LOC128706665: variants seen among roughly 807,000 people sequenced by gnomAD.
chr20:10,431,875 C>T, the LOC128706665 span: 3 of 152,258 alleles, frequency 2.0e-5, no homozygotes, highest in African/African-American at 7.2e-5. Flanking sequence ...TCAGATGTCA[C>T]CTACTCAGAG....
chr20:10,432,501 T>C, the LOC128706665 span, among the ~76,000 whole-genome samples: 116 of 152,168 alleles, frequency 7.6e-4, no homozygotes, highest in African/African-American at 2.7e-3. Flanking sequence ...GATTTAAAAA[T>C]TGTGTAGTAG....
chr20:10,422,948 C>T, the LOC128706665 span, among the ~76,000 whole-genome samples: 137 of 152,046 alleles, frequency 9.0e-4, no homozygotes, highest in African/African-American at 3.1e-3. Flanking sequence ...CCTGACCTTG[C>T]GATCCGCTCG....
the LOC128706665 span, among the ~76,000 whole-genome samples, chr20:10,430,297 CAACT>C: frequency 6.6e-6 from 1 of 152,194 alleles, no homozygotes; most frequent in South Asian, 2.1e-4. Context: ...TACCACTTTA[CAACT>C]GGCTGTGTGG....
the LOC128706665 span, among the ~76,000 whole-genome samples, chr20:10,416,479 A>T: frequency 3.2e-4 from 49 of 150,906 alleles, no homozygotes; most frequent in Admixed American, 1.6e-3. Context: ...CTTTAGCATT[A>T]AAAAAAAACA....
chr20:10,416,628 T>C, the LOC128706665 span, among the ~76,000 whole-genome samples: 1 of 152,228 alleles, frequency 6.6e-6, no homozygotes, highest in Non-Finnish European at 1.5e-5. Context: ...GATAAAACAT[T>C]AATCTTGCTT....
the LOC128706665 span, among the ~76,000 whole-genome samples, chr20:10,420,324 T>G: frequency 2.6e-5 from 4 of 152,222 alleles, no homozygotes; most frequent in African/African-American, 9.6e-5. Context: ...TTGCATTCAA[T>G]TGACTGCCAG....
At chr20:10,424,417 A>T in the LOC128706665 span, among the ~76,000 whole-genome samples, 20,966 of 151,884 alleles carry the variant, frequency 0.14, 1,610 homozygotes, top group East Asian at 0.24. Flanking sequence ...ATATATTTTT[A>T]AAAAATGACA....
At chr20:10,432,395 A>G in the LOC128706665 span, among the ~76,000 whole-genome samples, 1 of 152,240 alleles carries the variant, frequency 6.6e-6, no homozygotes, top group African/African-American at 2.4e-5. Context: ...ATCTAGAAAC[A>G]TCTTGCTCAA....
chr20:10,419,340 AAT>A, the LOC128706665 span, among the ~76,000 whole-genome samples: 1 of 152,180 alleles, frequency 6.6e-6, no homozygotes, highest in Admixed American at 6.5e-5. Flanking sequence ...TTATAAATAC[AAT>A]ATAGTGTATA....
chr20:10,420,058 T>C, the LOC128706665 span, among the ~76,000 whole-genome samples: 1 of 152,194 alleles, frequency 6.6e-6, no homozygotes, highest in Non-Finnish European at 1.5e-5. Flanking sequence ...TAAGGGACTA[T>C]AGACCTAAAT....
At chr20:10,421,036 A>C in the LOC128706665 span, among the ~76,000 whole-genome samples, 1 of 152,220 alleles carries the variant, frequency 6.6e-6, no homozygotes, top group Non-Finnish European at 1.5e-5. Flanking sequence ...AGCTATATGA[A>C]TCTTTGAAAA....
the LOC128706665 span, among the ~76,000 whole-genome samples, chr20:10,430,914 C>T: frequency 1.3e-5 from 2 of 152,184 alleles, no homozygotes; most frequent in African/African-American, 2.4e-5. Flanking sequence ...TCTGAAACAA[C>T]GTTTTACATA....
At chr20:10,424,066 C>T in the LOC128706665 span, among the ~76,000 whole-genome samples, 1 of 152,262 alleles carries the variant, frequency 6.6e-6, no homozygotes, top group East Asian at 1.9e-4. Context: ...TGATTAGGAT[C>T]AGTATGGAAG....
chr20:10,415,415 T>C, the LOC128706665 span, among the ~76,000 whole-genome samples: 4 of 152,232 alleles, frequency 2.6e-5, no homozygotes, highest in Non-Finnish European at 5.9e-5. Context: ...AATGTTATTT[T>C]GGTTACCATT....
chr20:10,432,530 T>C, the LOC128706665 span, among the ~76,000 whole-genome samples: 2 of 152,170 alleles, frequency 1.3e-5, no homozygotes, highest in African/African-American at 4.8e-5. Context: ...CCGTGGGTCA[T>C]GCCTGTAATC....
At chr20:10,433,556 T>C in the LOC128706665 span, among the ~76,000 whole-genome samples, 3 of 152,180 alleles carry the variant, frequency 2.0e-5, no homozygotes, top group South Asian at 6.2e-4. Flanking sequence ...GATTTGGGTA[T>C]GGTCTTATCG....
At chr20:10,432,772 A>T in the LOC128706665 span, among the ~76,000 whole-genome samples, 1 of 131,508 alleles carries the variant, frequency 7.6e-6, no homozygotes, top group Admixed American at 9.0e-5. Flanking sequence ...CCTGCGCGAC[A>T]GAGCGAGACT....
chr20:10,429,659 C>G, the LOC128706665 span, among the ~76,000 whole-genome samples: 51 of 152,198 alleles, frequency 3.4e-4, no homozygotes, highest in African/African-American at 1.2e-3. Flanking sequence ...CTGCCCTTTT[C>G]CTCATGCTCC....
chr20:10,416,950 C>G, the LOC128706665 span, among the ~76,000 whole-genome samples: 1 of 152,022 alleles, frequency 6.6e-6, no homozygotes, highest in African/African-American at 2.4e-5. Flanking sequence ...TCTGCAAAGC[C>G]TAAAATATTT....
Sources: gnomAD v4.1 joint callset for allele counts (sites outside exome capture counted in the v4.1 genomes callset) on GRCh38, gnomAD v4.1.1 for gene constraint, MANE v1.5 for transcripts.